Variants in EBF3 observed in about 807,000 individuals in gnomAD.
The protein encoded by EBF3 is EBF transcription factor 3, also known as transcription factor COE3.
Under a neutral mutation model 77.1 loss-of-function variants are expected in EBF3, and 18 were observed. The observed-to-expected ratio is 0.23, with a 90% CI of 0.16 to 0.35. The LOEUF (loss-of-function observed/expected upper bound fraction) is 0.35. Ranked by LOEUF, EBF3 falls within the 10% of genes least tolerant of loss-of-function variation. The pLI, the probability that EBF3 is intolerant of heterozygous loss-of-function variation, is 1.00. For missense variants in EBF3, 558 were observed against 860.0 expected, an observed-to-expected ratio of 0.65 and a Z score of 4.39; for synonymous variants, 350 against 343.5, an observed-to-expected ratio of 1.02 and a Z score of -0.21.
In EBF3 at chr10:129,841,347, C is replaced by T. The variant is rs1054783356; in HGVS notation, c.1373-315G>A. Among the ~76,000 whole-genome samples, 1 of 152,180 alleles carries T rather than the reference C, an allele frequency of 6.6e-6. No homozygotes were observed. Among genetic ancestry groups the T allele is most frequent in the Non-Finnish European group, 1.5e-5 (1 of 68,044 alleles). On this transcript the variant is annotated intron_variant, in intron 13 of 16. Coordinates refer to ENST00000440978, the MANE Select transcript of EBF3 (RefSeq NM_001375380.1). The surrounding 1 kb of genome is among the most constrained non-coding windows in gnomAD (Gnocchi z 4.6). ...CTTGGATTCCTGGTCTGTCCCCCCACGCTCTGTGAACTTTCGGCCTCTGTA... is the reference window on the plus strand; with the variant it reads ...CTTGGATTCCTGGTCTGTCCCCCCATGCTCTGTGAACTTTCGGCCTCTGTA...
chr10:129,876,885 A>ACGCCCCCCCC (rs1852810848), intron 7 of EBF3, among the ~76,000 whole-genome samples: 1 of 42,368 alleles, frequency 2.4e-5, no homozygotes, highest in Non-Finnish European at 4.4e-5. Flanking sequence ...TCATCCCTGA[A>ACGCCCCCCCC]CCCCCCCCCC....
Position 129,835,746 on chromosome 10 carries a change from G to T in EBF3, c.*2197C>A, listed in dbSNP as rs1389709742. On this transcript the variant is annotated 3_prime_UTR_variant, in exon 17 of 17. Transcript: ENST00000440978. ...TGCATTGTTGATTTTTGTCAAGAAG[G>T]TATTTTAAAGTCCCTCCTTTTTGTT... 1 of 151,964 alleles carries T rather than the reference G, an allele frequency of 6.6e-6. No individual in the cohort carries two copies. The highest frequency in any genetic ancestry group is 1.5e-5 in the Non-Finnish European group (1 of 68,008). 9.4% of individuals were successfully genotyped at this position (151,964 alleles called of 1,614,324 possible).
At chr10:129,866,997 T>C in intron 10 of EBF3, 144 bp downstream of exon 10, 1 of 1,233,052 alleles carries the variant, frequency 8.1e-7, no homozygotes, top group Non-Finnish European at 1.1e-6. Flanking sequence ...CATATCCAGC[T>C]AAACCCACAG....
At chr10:129,847,252 G>T (rs1850537387) in intron 11 of EBF3, among the ~76,000 whole-genome samples, 1 of 152,070 alleles carries the variant, frequency 6.6e-6, no homozygotes, top group Admixed American at 6.6e-5. Flanking sequence ...GTCTGTCTAT[G>T]GGATGGCGGG....
At chr10:129,866,580 A>G (rs1000014470) in intron 10 of EBF3, among the ~76,000 whole-genome samples, 1 of 152,210 alleles carries the variant, frequency 6.6e-6, no homozygotes, top group African/African-American at 2.4e-5. Flanking sequence ...CGCACCCTCA[A>G]AGAATACGGA....
chr10:129,918,502 T>C (rs945749001), intron 6 of EBF3, among the ~76,000 whole-genome samples: 1 of 152,142 alleles, frequency 6.6e-6, no homozygotes, highest in Admixed American at 6.5e-5. Context: ...GAGAAAGTAA[T>C]GGAGCTTGGA....
At chr10:129,950,263 C>G (rs1858575867) in intron 6 of EBF3, among the ~76,000 whole-genome samples, 1 of 152,198 alleles carries the variant, frequency 6.6e-6, no homozygotes, top group Non-Finnish European at 1.5e-5. Flanking sequence ...GAAGGCGCGG[C>G]TGCTGCCCCC....
chr10:129,885,678 G>A lies in EBF3; in HGVS notation c.555-7829C>T, dbSNP rs1009465907. On this transcript the variant is annotated intron_variant, in intron 6 of 16. Coordinates refer to ENST00000440978, the MANE Select transcript of EBF3 (RefSeq NM_001375380.1). The surrounding 1 kb of genome is among the most constrained non-coding windows in gnomAD (Gnocchi z 4.0). ...CGCCCTGTCAATCAGTCTGTATTTT[G>A]TCTTTCGCTGCGGGCTCATTAAAAC... is the stretch of plus-strand genomic sequence containing the variant. Among the ~76,000 whole-genome samples, 1 of 152,020 alleles carries A rather than the reference G, an allele frequency of 6.6e-6. No individual in the cohort carries two copies. The highest frequency in any genetic ancestry group is 3.2e-3 in the Middle Eastern group (1 of 316).
rs1850544157 is a variant in EBF3, at chr10:129,847,342, G to C, written c.1128+1050C>G. 2.6e-5 allele frequency among the ~76,000 whole-genome samples: 4 copies of C among 152,142 alleles called. No homozygotes were observed. In the South Asian group the frequency reaches 8.3e-4, roughly 32 times the overall value. On this transcript the variant is annotated intron_variant, in intron 11 of 16. Coordinates refer to ENST00000440978, the MANE Select transcript of EBF3 (RefSeq NM_001375380.1). ...AGCCCTCTGGGTAAGGATGTTGCAG[G>C]CCTCGATTCTTCCCGGGGAAACACT... is the stretch of plus-strand genomic sequence containing the variant.
At position 129,885,292 on chromosome 10, in the gene EBF3, A is replaced by G. The variant is rs1564855924; in HGVS notation, c.555-7443T>C. Among the ~76,000 whole-genome samples, 2 of 152,150 alleles carry G rather than the reference A, an allele frequency of 1.3e-5. No individual in the cohort carries two copies. The highest frequency in any genetic ancestry group is 2.9e-5 in the Non-Finnish European group (2 of 68,036). ...CCCGCCAAGTCCTCCGTTTGGAGAA[A>G]TTTGTATGACTCGCATTAAACTTTT... On this transcript the variant is annotated intron_variant, in intron 6 of 16. Transcript: ENST00000440978. This position sits in a 1 kb window ranked among gnomAD's most constrained non-coding sequence, Gnocchi z 4.0.
At chr10:129,954,349 A>T (rs561816766) in intron 6 of EBF3, among the ~76,000 whole-genome samples, 1 of 152,332 alleles carries the variant, frequency 6.6e-6, no homozygotes, top group East Asian at 1.9e-4. Context: ...GAAAGAAAAC[A>T]GTTAACATAA....
chr10:129,928,216 C>T (rs915508844), intron 6 of EBF3, among the ~76,000 whole-genome samples: 6 of 152,100 alleles, frequency 3.9e-5, no homozygotes, highest in African/African-American at 9.7e-5. Context: ...AGCACGTTTA[C>T]GATCATAAAA....
intron 6 of EBF3, among the ~76,000 whole-genome samples, chr10:129,908,325 A>G (rs923306317): frequency 6.6e-6 from 1 of 152,242 alleles, no homozygotes; most frequent in Non-Finnish European, 1.5e-5. Context: ...TAGCTCAGAT[A>G]AAGTGGACAA....
chr10:129,877,935 G>A (rs1852909973), intron 6 of EBF3, 86 bp from the exon 7 acceptor site: 1 of 1,059,484 alleles, frequency 9.4e-7, no homozygotes, highest in Non-Finnish European at 1.4e-6. Context: ...GCGCAGGGAG[G>A]AGTGGAGACT....
chr10:129,877,361 A>T (rs1370583791), intron 7 of EBF3, among the ~76,000 whole-genome samples: 1 of 151,780 alleles, frequency 6.6e-6, no homozygotes. Context: ...TGCGCCTGTA[A>T]TCCCAGCTAC....
chr10:129,883,994 C>T (rs1327686947), intron 6 of EBF3, among the ~76,000 whole-genome samples: 1 of 152,214 alleles, frequency 6.6e-6, no homozygotes, highest in Non-Finnish European at 1.5e-5. Flanking sequence ...ATCCGAGGCC[C>T]TCATGGGGGC....
chr10:129,893,567 GA>G (rs974726079), intron 6 of EBF3, among the ~76,000 whole-genome samples: 5 of 152,268 alleles, frequency 3.3e-5, no homozygotes, highest in African/African-American at 1.2e-4. Context: ...TAAACTGTTA[GA>G]TTAGGAAGAT....
At position 129,899,082 on chromosome 10, in the gene EBF3, G is replaced by T. The variant is rs1308384343; in HGVS notation, c.555-21233C>A. On this transcript the variant is annotated intron_variant, in intron 6 of 16. Coordinates refer to ENST00000440978, the MANE Select transcript of EBF3 (RefSeq NM_001375380.1). ...TCTGTCACTGTCTCCTCCTGCCTCC[G>T]CGCAGCCTTGAATCGGAGCTGCTTA... Among the ~76,000 whole-genome samples the T allele has an allele frequency of 3.5e-5, 5 of 144,924 alleles. No individual in the cohort carries two copies. The Admixed American group carries it at 3.6e-4, about 10-fold the overall frequency.
Position 129,963,314 on chromosome 10 carries a change from C to A in EBF3, c.291+53G>T, listed in dbSNP as rs764373817. The A allele has an allele frequency of 6.4e-7, 1 of 1,550,392 alleles. No individual in the cohort carries two copies. Among genetic ancestry groups the A allele is most frequent in the Non-Finnish European group, 8.7e-7 (1 of 1,151,050 alleles). On this transcript the variant is annotated intron_variant, in intron 2 of 16. Coordinates refer to ENST00000440978, the MANE Select transcript of EBF3 (RefSeq NM_001375380.1). The surrounding 1 kb of genome is among the most constrained non-coding windows in gnomAD (Gnocchi z 7.1). ...CTCGAACCCCCGCGCACCGGCACCG[C>A]CTGCCTCCCGCTTCTAGAAAGAGAG...
Sources: allele counts gnomAD v4.1 joint callset (sites outside exome capture counted in the v4.1 genomes callset), GRCh38; gene constraint gnomAD v4.1.1; non-coding constraint Gnocchi (gnomAD v3.1); transcripts MANE v1.5; gene names NCBI Gene and HGNC (gene_info 2026-07-23, HGNC 2026-07-21).